The following GABRG3 variants were observed in gnomAD, a reference collection of about 807,000 sequenced individuals.
The protein encoded by GABRG3 is gamma-aminobutyric acid receptor subunit gamma-3.
In GABRG3, 25 loss-of-function variants were observed where a neutral mutation model predicts 48.8. That is an observed-to-expected ratio of 0.51 (90% CI 0.37 to 0.72). The LOEUF is 0.72. Ranked by LOEUF, GABRG3 falls within the 30% of genes least tolerant of loss-of-function variation. The pLI, the probability that GABRG3 is intolerant of heterozygous loss-of-function variation, is 0.00. For missense variants in GABRG3, 394 were observed against 577.9 expected (o/e 0.68, Z 3.26); for synonymous variants, 227 against 217.6 (o/e 1.04, Z -0.38).
At chr15:27,244,048 C>A (rs1158585003) in intron 3 of GABRG3, among the ~76,000 whole-genome samples, 1 of 152,144 alleles carries the variant, frequency 6.6e-6, no homozygotes, top group Non-Finnish European at 1.5e-5. Flanking sequence ...AAGACATCAT[C>A]TCTTAGCCTG....
At chr15:27,306,579 TATAAACATATAATATAAAC>T (rs1179160099) in intron 3 of GABRG3, among the ~76,000 whole-genome samples, 3 of 46,620 alleles carry the variant, frequency 6.4e-5, no homozygotes, top group African/African-American at 1.4e-4. Context: ...TATGTTTATA[TATAAACATATAATATAAAC>T]ATATGTTTAT....
intron 3 of GABRG3, among the ~76,000 whole-genome samples, chr15:27,154,511 T>A (rs1189278345): frequency 4.6e-5 from 7 of 152,200 alleles, no homozygotes; most frequent in Non-Finnish European, 1.0e-4. Context: ...TTCTCCTCTG[T>A]TCAGTTTGCT....
At chr15:27,342,255 T>C (rs1313160804) in intron 5 of GABRG3, among the ~76,000 whole-genome samples, 1 of 152,168 alleles carries the variant, frequency 6.6e-6, no homozygotes, top group Non-Finnish European at 1.5e-5. Flanking sequence ...CACCTACCAA[T>C]TTCCTTTTAC....
chr15:27,380,019 G>T (rs1437316720), intron 5 of GABRG3, among the ~76,000 whole-genome samples: 2 of 150,162 alleles, frequency 1.3e-5, no homozygotes, highest in African/African-American at 2.5e-5. Flanking sequence ...ATTCCCATTT[G>T]TGTTATACAT....
chr15:27,541,014 A>T lies in GABRG3; in HGVS notation c.*8133A>T, dbSNP rs1229472600. The T allele has an allele frequency of 6.6e-6, 1 of 152,278 alleles. No individual in the cohort carries two copies. Among genetic ancestry groups the T allele is most frequent in the African/African-American group, 2.4e-5 (1 of 41,448 alleles). The allele number at this position is 152,278 out of a possible 1,614,324, so 9.4% of individuals were successfully genotyped here. On this transcript the variant is annotated 3_prime_UTR_variant, in exon 10 of 10. Coordinates refer to ENST00000615808, the MANE Select transcript of GABRG3 (RefSeq NM_033223.5). ...AGGAGCAAGGGAGAGGGAGAAAGAG[A>T]GGACAGAGGGAGAGAGAGAAAGTGG... is the stretch of plus-strand genomic sequence containing the variant.
chr15:27,019,238 TTTTTTG>T (rs1047749060), intron 2 of GABRG3, among the ~76,000 whole-genome samples: 8 of 151,646 alleles, frequency 5.3e-5, no homozygotes, highest in Non-Finnish European at 1.0e-4. Context: ...CTGGCTAATT[TTTTTTG>T]TATTTTTAGT....
intron 6 of GABRG3, among the ~76,000 whole-genome samples, chr15:27,486,971 C>T (rs1270818347): frequency 6.6e-6 from 1 of 152,086 alleles, no homozygotes; most frequent in African/African-American, 2.4e-5. Flanking sequence ...TTAAATAGCT[C>T]TTGTAGAAGA....
At chr15:27,511,246 A>C (rs1443458873) in intron 6 of GABRG3, among the ~76,000 whole-genome samples, 1 of 152,222 alleles carries the variant, frequency 6.6e-6, no homozygotes, top group Non-Finnish European at 1.5e-5. Flanking sequence ...TTTTGTAAAC[A>C]ATAGATGGGC....
Position 27,478,048 on chromosome 15 carries a change from C to CAA in GABRG3, c.575-2589_575-2588dup, listed in dbSNP as rs71132811. Among the ~76,000 whole-genome samples, 29 of 91,962 alleles carry CAA rather than the reference C, an allele frequency of 3.2e-4. No homozygotes were observed. The East Asian group carries it at 5.5e-3, about 17-fold the overall frequency. The allele number at this position is 91,962 out of a possible 152,430, so 60.3% of individuals were successfully genotyped here. A position where few individuals can be genotyped will look rare whatever the true frequency, so the allele number is the denominator to read the frequency against. ...GGTGACAGAGGGAGACTCCATGTCACAAAAAAAAAAAAAAGAAAGAAAGAA... is the reference window on the plus strand; with the variant it reads ...GGTGACAGAGGGAGACTCCATGTCACAAAAAAAAAAAAAAAAGAAAGAAAGAA... On this transcript the variant is annotated intron_variant, in intron 5 of 9. Transcript: ENST00000615808.
chr15:27,201,934 A>G (rs574291291), intron 3 of GABRG3, among the ~76,000 whole-genome samples: 5 of 152,340 alleles, frequency 3.3e-5, no homozygotes, highest in Admixed American at 3.3e-4. Context: ...CTAAGAGCTG[A>G]TTTCTGTAAA....
chr15:27,217,987 G>A (rs1360158628), intron 3 of GABRG3, among the ~76,000 whole-genome samples: 4 of 152,132 alleles, frequency 2.6e-5, no homozygotes, highest in Admixed American at 6.5e-5. Context: ...CGCCTTCAGA[G>A]GTGACCTGAA....
chr15:27,155,707 G>A (rs1898406555), intron 3 of GABRG3, among the ~76,000 whole-genome samples: 1 of 152,148 alleles, frequency 6.6e-6, no homozygotes, highest in Non-Finnish European at 1.5e-5. Context: ...TAGGGAGGGA[G>A]TTCTAGCTTC....
intron 3 of GABRG3, among the ~76,000 whole-genome samples, chr15:27,253,066 G>A (rs1006679): frequency 0.34 from 51,216 of 152,108 alleles, 9,486 homozygotes; most frequent in Non-Finnish European, 0.42. Flanking sequence ...CCGAATCGAT[G>A]CTGCCTATGG....
intron 3 of GABRG3, among the ~76,000 whole-genome samples, chr15:27,243,957 A>T (rs539431820): frequency 6.6e-6 from 1 of 152,334 alleles, no homozygotes; most frequent in Non-Finnish European, 1.5e-5. Flanking sequence ...AGGAAAGTAG[A>T]AAAGCATTTA....
intron 5 of GABRG3, among the ~76,000 whole-genome samples, chr15:27,332,193 G>A (rs746175212): frequency 6.6e-6 from 1 of 152,174 alleles, no homozygotes; most frequent in Non-Finnish European, 1.5e-5. Context: ...TTTTCAGGAA[G>A]AGGCCAATCC....
intron 5 of GABRG3, among the ~76,000 whole-genome samples, chr15:27,398,175 A>G (rs1887372383): frequency 6.6e-6 from 1 of 152,204 alleles, no homozygotes; most frequent in South Asian, 2.1e-4. Flanking sequence ...TCTATATCAC[A>G]TATATGTCAA....
intron 3 of GABRG3, among the ~76,000 whole-genome samples, chr15:27,211,974 G>A (rs1225457926): frequency 6.6e-6 from 1 of 152,178 alleles, no homozygotes; most frequent in Admixed American, 6.5e-5. Context: ...AGAGCCTGGA[G>A]GCCGACCCAG....
At chr15:27,407,971 G>A (rs115598641) in intron 5 of GABRG3, among the ~76,000 whole-genome samples, 93 of 152,338 alleles carry the variant, frequency 6.1e-4, no homozygotes, top group African/African-American at 2.2e-3. Flanking sequence ...GACTTTGTGT[G>A]ACAACAATGC....
intron 3 of GABRG3, among the ~76,000 whole-genome samples, chr15:27,199,904 C>CCTCTTTCCCTTCAGCCATTT (rs1888625309): frequency 6.6e-6 from 1 of 150,462 alleles, no homozygotes; most frequent in Non-Finnish European, 1.5e-5. Flanking sequence ...TCCTTCCTTC[C>CCTCTTTCCCTTCAGCCATTT]CTCTTTCCCT....
Sources: allele counts gnomAD v4.1 joint callset (sites outside exome capture counted in the v4.1 genomes callset), GRCh38; gene constraint gnomAD v4.1.1; transcripts MANE v1.5; gene names NCBI Gene and HGNC (gene_info 2026-07-23, HGNC 2026-07-21).